Variants in PIGB observed in about 807,000 individuals in gnomAD.
PIGB encodes the protein GPI alpha-1,2-mannosyltransferase 3.
In PIGB, 58 loss-of-function variants were observed where a neutral mutation model predicts 68.4. That is an observed-to-expected ratio of 0.85 (90% CI 0.69 to 1.06). The LOEUF (loss-of-function observed/expected upper bound fraction) is 1.06, where lower values mean the gene tolerates loss of function less well. Ranked by LOEUF, PIGB falls within the 50% of genes least tolerant of loss-of-function variation. The pLI is 0.00. For missense variants in PIGB, 634 were observed against 655.8 expected (o/e 0.97, Z 0.36); for synonymous variants, 219 against 220.5 (o/e 0.99, Z 0.06).
chr15:55,320,530 C>A, intron 2 of PIGB, 120 bp downstream of exon 2: 1 of 805,672 alleles, frequency 1.2e-6, no homozygotes. Context: ...TTCCAAAATC[C>A]CTAGTGGATG....
chr15:55,320,944 CAGTACTT>C (rs1200361529), intron 2 of PIGB, among the ~76,000 whole-genome samples: 1 of 152,158 alleles, frequency 6.6e-6, no homozygotes, highest in Non-Finnish European at 1.5e-5. Context: ...TACATTCCCA[CAGTACTT>C]AGCACTTGGA....
intron 9 of PIGB, 98 bp from the exon 10 acceptor site, chr15:55,350,601 C>T: frequency 1.3e-6 from 1 of 755,036 alleles, no homozygotes; most frequent in Non-Finnish European, 2.3e-6. Flanking sequence ...AACAGTATTA[C>T]AGTTTTTGCT....
chr15:55,354,510 A>G, intron 10 of PIGB: 2 of 290,526 alleles, frequency 6.9e-6, no homozygotes, highest in South Asian at 1.6e-4. Context: ...TACCAATGCT[A>G]CAGAATGTTG....
rs989374115 is a variant in PIGB, at chr15:55,354,739, G to A, written c.1338-59G>A. On this transcript the variant is annotated intron_variant, in intron 10 of 11. Transcript: ENST00000164305. ...GCTAAGTATAAATGACATATCTTAA[G>A]ACTAATGAAAACTTTCATGTTTTAC... 5.0e-5 allele frequency: 66 copies of A among 1,325,352 alleles called. 1 individual carries two copies. In the South Asian group the frequency reaches 5.8e-4, roughly 12 times the overall value. 82.1% of individuals were successfully genotyped at this position (1,325,352 alleles called of 1,614,324 possible).
intron 6 of PIGB, among the ~76,000 whole-genome samples, 179 bp downstream of exon 6, chr15:55,334,186 T>C (rs953890287): frequency 1.3e-5 from 2 of 152,240 alleles, no homozygotes; most frequent in African/African-American, 4.8e-5. Context: ...ATTATAACTA[T>C]TTTAATTTGC....
chr15:55,327,394 T>C (rs1181758553), intron 3 of PIGB, 137 bp from the exon 4 acceptor site: 1 of 599,334 alleles, frequency 1.7e-6, no homozygotes, highest in Non-Finnish European at 2.9e-6. Flanking sequence ...TGTGGAAGAA[T>C]AGAAAAATAT....
At chr15:55,323,933 G>T (rs2055220609) in intron 3 of PIGB, among the ~76,000 whole-genome samples, 1 of 152,196 alleles carries the variant, frequency 6.6e-6, no homozygotes, top group Admixed American at 6.5e-5. Flanking sequence ...TGTCGCCCAG[G>T]CTGGAGTGCA....
At chr15:55,329,423 A>G (rs1237491846) in intron 4 of PIGB, among the ~76,000 whole-genome samples, 1 of 152,208 alleles carries the variant, frequency 6.6e-6, no homozygotes, top group African/African-American at 2.4e-5. Flanking sequence ...CCATCAAAGA[A>G]TCTGTTTTTT....
At chr15:55,321,583 G>A (rs1380681890) in intron 3 of PIGB, among the ~76,000 whole-genome samples, 193 bp downstream of exon 3, 1 of 149,244 alleles carries the variant, frequency 6.7e-6, no homozygotes, top group Non-Finnish European at 1.5e-5. Flanking sequence ...ATCCTGTTAT[G>A]ATGTGCAGAT....
At chr15:55,319,513 A>T (rs1043153101) in intron 1 of PIGB, 100 bp downstream of exon 1, 24 of 819,694 alleles carry the variant, frequency 2.9e-5, no homozygotes, top group Non-Finnish European at 4.4e-5. Flanking sequence ...CTGTGTTGCC[A>T]GATCTTGAGT....
chr15:55,323,197 T>C (rs1207188987), intron 3 of PIGB, among the ~76,000 whole-genome samples: 3 of 152,218 alleles, frequency 2.0e-5, no homozygotes, highest in African/African-American at 7.2e-5. Context: ...ATTTTGAAGC[T>C]AGAAGAGGTT....
intron 1 of PIGB, 188 bp downstream of exon 1, chr15:55,319,601 T>C (rs1566945160): frequency 1.9e-6 from 1 of 538,766 alleles, no homozygotes; most frequent in Non-Finnish European, 3.2e-6. Flanking sequence ...CTAAATTCAA[T>C]TTTTTAAAAA....
At chr15:55,326,603 A>G (rs1197452013) in intron 3 of PIGB, among the ~76,000 whole-genome samples, 1 of 152,210 alleles carries the variant, frequency 6.6e-6, no homozygotes, top group Non-Finnish European at 1.5e-5. Flanking sequence ...ACGGTGGCTT[A>G]CACCTGTAAT....
At chr15:55,337,719 G>A (rs573129149) in intron 6 of PIGB, among the ~76,000 whole-genome samples, 16 of 152,260 alleles carry the variant, frequency 1.1e-4, no homozygotes, top group African/African-American at 3.6e-4. Flanking sequence ...GATACCAAAA[G>A]ATGTGTAAAA....
chr15:55,324,724 T>C, intron 3 of PIGB: 1 of 602,578 alleles, frequency 1.7e-6, no homozygotes, highest in Non-Finnish European at 2.1e-6. Flanking sequence ...TACCTCACAC[T>C]GTTGGCTCAT....
In PIGB at chr15:55,350,717, T is replaced by G; in HGVS notation, c.1142T>G (p.Leu381Arg). The G allele has an allele frequency of 6.2e-7, 1 of 1,612,986 alleles. No individual in the cohort carries two copies. Residue 381 changes from leucine (L) to arginine (R), a missense_variant, in exon 10 of 12, where the codon CTG (leucine) becomes CGG (arginine). By Grantham distance (102) the Leu-to-Arg change is moderately radical. Coordinates refer to ENST00000164305, the MANE Select transcript of PIGB (RefSeq NM_004855.5). ...MVFCGYSLTH[L>R]KTWKKPALSF... ...CATATAGGATACTCATTAACCCACC[T>G]GAAAACATGGAAGAAACCAGCTCTA...
chr15:55,323,781 C>T (rs1436211198), intron 3 of PIGB, among the ~76,000 whole-genome samples: 2 of 152,064 alleles, frequency 1.3e-5, no homozygotes, highest in African/African-American at 4.8e-5. Flanking sequence ...TTTAAAATTC[C>T]ACATGTGGCT....
chr15:55,347,867 A>G (rs1197350864), intron 9 of PIGB, among the ~76,000 whole-genome samples: 1 of 152,120 alleles, frequency 6.6e-6, no homozygotes, highest in Non-Finnish European at 1.5e-5. Flanking sequence ...TGCTGGAAAC[A>G]CAAGCATGTT....
At chr15:55,323,517 C>A (rs1032801979) in intron 3 of PIGB, among the ~76,000 whole-genome samples, 1 of 152,188 alleles carries the variant, frequency 6.6e-6, no homozygotes, top group East Asian at 1.9e-4. Context: ...ATGGTAGCCA[C>A]TAGCTACATG....
Sources: gnomAD v4.1 joint callset for allele counts (sites outside exome capture counted in the v4.1 genomes callset) on GRCh38, gnomAD v4.1.1 for gene constraint, MANE v1.5 for transcripts, NCBI Gene and HGNC (gene_info 2026-07-23, HGNC 2026-07-21) for gene names.